Variants in FBXW2 observed in about 807,000 individuals in gnomAD.
The protein encoded by FBXW2 is F-box/WD repeat-containing protein 2.
Under a neutral mutation model 46.0 loss-of-function variants are expected in FBXW2, and 12 were observed. The ratio of observed to expected loss-of-function variants is 0.26; its 90% CI spans 0.17 to 0.42. The LOEUF (loss-of-function observed/expected upper bound fraction) is 0.42. Ranked by LOEUF, FBXW2 falls within the 10% of genes least tolerant of loss-of-function variation. The pLI, the probability that FBXW2 is intolerant of heterozygous loss-of-function variation, is 1.00. For synonymous variants in FBXW2, 203 were observed against 209.6 expected, an observed-to-expected ratio of 0.97 and a Z score of 0.27; for missense variants, 360 against 537.0, an observed-to-expected ratio of 0.67 and a Z score of 3.26.
At chr9:120,771,646 G>C in intron 6 of FBXW2, 129 bp from the exon 7 acceptor site, 2 of 723,450 alleles carry the variant, frequency 2.8e-6, no homozygotes, top group Non-Finnish European at 4.4e-6. Flanking sequence ...AGGTTTTATA[G>C]CCAAGAATCA....
rs2044758629 is a variant in FBXW2 at position 120,787,958 on chromosome 9, C to T, written c.301G>A (p.Ala101Thr). 14 of 1,614,228 alleles carry T rather than the reference C, an allele frequency of 8.7e-6. No homozygotes were observed. The highest frequency in any genetic ancestry group is 1.2e-5 in the Non-Finnish European group (14 of 1,180,042). The stretch of plus-strand genomic sequence containing the variant: ...ATCTGCCAGCCCAAATTTTTACATG[C>T]AGTCTGCCACACCTCTGTACAGGCA... ...ISACTEVWQT[A>T]CKNLGWQIDD... Residue 101 changes from alanine (A) to threonine (T), a missense_variant, in exon 3 of 8, where the codon GCA (alanine) becomes ACA (threonine). Coordinates refer to ENST00000608872, the MANE Select transcript of FBXW2 (RefSeq NM_012164.4).
intron 3 of FBXW2, 33 bp downstream of exon 3, chr9:120,787,736 C>T: frequency 1.3e-6 from 2 of 1,574,040 alleles, no homozygotes; most frequent in African/African-American, 2.7e-5. Context: ...AAATACAAAA[C>T]AAAACCCAAA....
At chr9:120,784,123 A>T (rs1466876255) in intron 3 of FBXW2, among the ~76,000 whole-genome samples, 1 of 152,236 alleles carries the variant, frequency 6.6e-6, no homozygotes, top group Admixed American at 6.5e-5. Context: ...AAACCTGATG[A>T]ATTTAATCAG....
At position 120,772,787 on chromosome 9, in the gene FBXW2, GTAGT is replaced by G; in HGVS notation, c.869_872del (p.Asp290AlafsTer4). On this transcript the variant is annotated frameshift_variant, in exon 6 of 8. Transcript: ENST00000608872. LOFTEE classifies it high-confidence loss of function. ...CATATTTGTCTGCACTTAAGAGGAT[GTAGT>G]CTCCAGGACTGTGCAAGAGAGACTT... 6.3e-7 allele frequency: 1 copy of G among 1,577,672 alleles called. No homozygotes were observed. Among genetic ancestry groups the G allele is most frequent in the Non-Finnish European group, 8.6e-7 (1 of 1,168,730 alleles).
chr9:120,777,690 T>A (rs1476541281), intron 4 of FBXW2, among the ~76,000 whole-genome samples: 1 of 151,672 alleles, frequency 6.6e-6, no homozygotes, highest in Non-Finnish European at 1.5e-5. Flanking sequence ...TAGCTCAATT[T>A]CTACACAAAG....
chr9:120,779,223 C>G (rs1032134666), intron 3 of FBXW2, among the ~76,000 whole-genome samples: 1 of 152,224 alleles, frequency 6.6e-6, no homozygotes, highest in African/African-American at 2.4e-5. Context: ...GATGAAAATT[C>G]TATACTAATC....
chr9:120,758,921 C>T lies in FBXW2; in HGVS notation c.*5638G>A, dbSNP rs1323747511. On this transcript the variant is annotated 3_prime_UTR_variant, in exon 8 of 8. Coordinates refer to ENST00000608872, the MANE Select transcript of FBXW2 (RefSeq NM_012164.4). ...AAATGGGACTTTTACCCACCCCATC[C>T]CTTCATTTGCAACTATTCATGAAAT... 1 of 152,178 alleles carries T rather than the reference C, an allele frequency of 6.6e-6. No individual in the cohort carries two copies. Among genetic ancestry groups the T allele is most frequent in the Non-Finnish European group, 1.5e-5 (1 of 68,038 alleles). The allele number at this position is 152,178 out of a possible 1,614,324, so 9.4% of individuals were successfully genotyped here. A position where few individuals can be genotyped will look rare whatever the true frequency, so the allele number is the denominator to read the frequency against.
chr9:120,782,571 G>A (rs2044638837), intron 3 of FBXW2, among the ~76,000 whole-genome samples: 1 of 152,188 alleles, frequency 6.6e-6, no homozygotes, highest in Non-Finnish European at 1.5e-5. Flanking sequence ...GCTGGACATG[G>A]TGGCTCATGC....
At position 120,764,490 on chromosome 9, in the gene FBXW2, C is replaced by A. The variant is rs2044239784; in HGVS notation, c.*69G>T. The A allele has an allele frequency of 6.6e-7, 1 of 1,524,752 alleles. No homozygotes were observed. Among genetic ancestry groups the A allele is most frequent in the East Asian group, 2.3e-5 (1 of 44,050 alleles). The allele number at this position is 1,524,752 out of a possible 1,614,324, so 94.5% of individuals were successfully genotyped here. A position where few individuals can be genotyped will look rare whatever the true frequency, so the allele number is the denominator to read the frequency against. On this transcript the variant is annotated 3_prime_UTR_variant, in exon 8 of 8. Transcript: ENST00000608872. ...GAACTTTGGTTCATGCAGTCGGCTG[C>A]CGCAGAGGTTGCACCCAAAACCCGC...
At chr9:120,778,654 G>T in intron 3 of FBXW2, 109 bp from the exon 4 acceptor site, 1 of 916,010 alleles carries the variant, frequency 1.1e-6, no homozygotes, top group South Asian at 1.7e-5. Flanking sequence ...CCTTCCTCTA[G>T]CACTTTACTT....
chr9:120,788,472 G>A (rs143649411), intron 2 of FBXW2, among the ~76,000 whole-genome samples, 194 bp from the exon 3 acceptor site: 38 of 152,272 alleles, frequency 2.5e-4, no homozygotes, highest in Middle Eastern at 3.4e-3. Context: ...AAACACATTT[G>A]AGAAAACATA....
At chr9:120,787,722 T>C in intron 3 of FBXW2, 47 bp downstream of exon 3, 4 of 1,554,116 alleles carry the variant, frequency 2.6e-6, no homozygotes, top group Non-Finnish European at 3.5e-6. Context: ...GATTACACCC[T>C]ATGAAATACA....
At chr9:120,786,125 G>C (rs562513525) in intron 3 of FBXW2, among the ~76,000 whole-genome samples, 18 of 151,734 alleles carry the variant, frequency 1.2e-4, no homozygotes, top group South Asian at 2.1e-4. Flanking sequence ...GGGAAAAAGA[G>C]GTAATACAAA....
chr9:120,784,791 C>T (rs189395427), intron 3 of FBXW2, among the ~76,000 whole-genome samples: 280 of 151,508 alleles, frequency 1.8e-3, no homozygotes, highest in African/African-American at 6.6e-3. Context: ...TGTGGTGGCG[C>T]GTGCCTGTAA....
chr9:120,774,465 T>C (rs1243984326), intron 5 of FBXW2, among the ~76,000 whole-genome samples: 1 of 151,790 alleles, frequency 6.6e-6, no homozygotes, highest in Non-Finnish European at 1.5e-5. Context: ...AGAGCTATGA[T>C]CATGACACGG....
chr9:120,765,794 T>C (rs1204560669), intron 7 of FBXW2, among the ~76,000 whole-genome samples: 3 of 152,040 alleles, frequency 2.0e-5, no homozygotes, highest in Non-Finnish European at 2.9e-5. Flanking sequence ...AAAGTTATTA[T>C]GAAAAAAACT....
chr9:120,774,039 T>A lies in FBXW2; in HGVS notation c.820-1199A>T, dbSNP rs192113757. 1.9e-3 allele frequency among the ~76,000 whole-genome samples: 286 copies of A among 151,464 alleles called. 2 individuals carry two copies. The highest frequency in any genetic ancestry group is 0.011 in the Admixed American group (169 of 15,212). On this transcript the variant is annotated intron_variant, in intron 5 of 7. Transcript: ENST00000608872. ...GACCCCCATCTCCACACACAAAAAA[T>A]TTTTTTTAATTAGCAGCTGGGCACG... is the stretch of plus-strand genomic sequence containing the variant.
Position 120,793,269 on chromosome 9 carries a change from G to C in FBXW2, c.-129-12C>G, listed in dbSNP as rs543849343. On this transcript the variant is annotated splice_polypyrimidine_tract_variant and intron_variant, in intron 1 of 7. Coordinates refer to ENST00000608872, the MANE Select transcript of FBXW2 (RefSeq NM_012164.4). ...CGCAGCCATGGCGCCTGCAGGGAAA[G>C]AAAAACAGCCAAGGCGCGGCGGGTC... 6.5e-5 allele frequency: 30 copies of C among 461,358 alleles called. No homozygotes were observed. Among genetic ancestry groups the C allele is most frequent in the Admixed American group, 5.3e-4 (13 of 24,534 alleles). The allele number at this position is 461,358 out of a possible 1,614,324, so 28.6% of individuals were successfully genotyped here.
chr9:120,772,055 T>G (rs1175548341), intron 6 of FBXW2, among the ~76,000 whole-genome samples: 1 of 112,640 alleles, frequency 8.9e-6, no homozygotes, highest in Non-Finnish European at 1.7e-5. Flanking sequence ...TGAGACCCTG[T>G]CTCAGAAAAA....
Sources: gnomAD v4.1 joint callset for allele counts (sites outside exome capture counted in the v4.1 genomes callset) on GRCh38, gnomAD v4.1.1 for gene constraint, MANE v1.5 for transcripts, NCBI Gene and HGNC (gene_info 2026-07-23, HGNC 2026-07-21) for gene names.